The following TBCD variants were observed in gnomAD, a reference collection of about 807,000 sequenced individuals.
TBCD encodes tubulin folding cofactor D, also known as tubulin-specific chaperone D.
In TBCD, 105 loss-of-function variants were observed where a neutral mutation model predicts 169.3. That is an observed-to-expected ratio of 0.62 (90% CI 0.53 to 0.73). TBCD has a LOEUF of 0.73. TBCD is among the 30% of genes least tolerant of loss of function. The pLI is 0.00. For missense variants in TBCD, 1,444 were observed against 1,600.1 expected, an observed-to-expected ratio of 0.90 and a Z score of 1.66; for synonymous variants, 700 against 643.9, an observed-to-expected ratio of 1.09 and a Z score of -1.32.
At chr17:82,776,839 A>G (rs1356251235) in intron 6 of TBCD, among the ~76,000 whole-genome samples, 3 of 152,148 alleles carry the variant, frequency 2.0e-5, no homozygotes, top group African/African-American at 7.2e-5. Flanking sequence ...AGGCAGCCCC[A>G]GGAACACCCC....
In TBCD at chr17:82,939,407, T is replaced by A. The variant is rs2062928724; in HGVS notation, c.3410T>A (p.Leu1137His). The A allele has an allele frequency of 6.2e-7, 1 of 1,613,390 alleles. No homozygotes were observed. Among genetic ancestry groups the A allele is most frequent in the South Asian group, 1.1e-5 (1 of 90,974 alleles). ...TTASQVYETL[L>H]TYSDVVGADV... ...GCCAGCCAGGTGTACGAGACATTGC[T>A]CACCTACAGTGACGTCGTGGGCGCG... Residue 1137 changes from leucine (L) to histidine (H), a missense_variant, in exon 37 of 39, where the codon CTC (leucine) becomes CAC (histidine). By Grantham distance (99) the Leu-to-His change is moderately conservative (BLOSUM62 -3). Transcript: ENST00000355528.
At chr17:82,808,777 AGGCAGGTGGAGGGGCT>A (rs1598629253) in intron 11 of TBCD, among the ~76,000 whole-genome samples, 1 of 143,868 alleles carries the variant, frequency 7.0e-6, no homozygotes, top group East Asian at 2.1e-4. Flanking sequence ...GGAGGGGACG[AGGCAGGTGGAGGGGCT>A]GGCAGGTGCT....
At chr17:82,868,981 C>A (rs1023240680) in intron 13 of TBCD, among the ~76,000 whole-genome samples, 5 of 151,196 alleles carry the variant, frequency 3.3e-5, no homozygotes, top group African/African-American at 1.2e-4. Context: ...CGAACGAGAC[C>A]CTGGCGTGTG....
At chr17:82,936,194 C>T (rs138873558) in intron 34 of TBCD, among the ~76,000 whole-genome samples, 1 of 152,228 alleles carries the variant, frequency 6.6e-6, no homozygotes, top group African/African-American at 2.4e-5. Context: ...TTTTCCCTCT[C>T]TCTTTGCTTC....
At chr17:82,791,128 G>T (rs1285903071) in intron 7 of TBCD, among the ~76,000 whole-genome samples, 2 of 130,236 alleles carry the variant, frequency 1.5e-5, no homozygotes, top group Non-Finnish European at 3.1e-5. Flanking sequence ...GTCTCGCTCT[G>T]TTGCCCTGGC....
Position 82,816,849 on chromosome 17 carries a change from A to T in TBCD, c.1318+1915A>T, listed in dbSNP as rs1322781548. ...CACCACACTTGCCCCCTGCTTCTTT[A>T]AAAAAAAAAAAAAAAAAAAAAGCCG... On this transcript the variant is annotated intron_variant, in intron 13 of 38. Transcript: ENST00000355528. Among the ~76,000 whole-genome samples the T allele has an allele frequency of 7.3e-4, 12 of 16,352 alleles. No homozygotes were observed. In the East Asian group the frequency reaches 0.028, roughly 38 times the overall value. The allele number at this position is 16,352 out of a possible 152,430, so 10.7% of individuals were successfully genotyped here. A position where few individuals can be genotyped will look rare whatever the true frequency, so the allele number is the denominator to read the frequency against.
intron 13 of TBCD, among the ~76,000 whole-genome samples, chr17:82,819,004 A>C (rs2052173108): frequency 6.6e-6 from 1 of 152,098 alleles, no homozygotes; most frequent in South Asian, 2.1e-4. Context: ...GTTGCAGTGA[A>C]CCGAGATCGC....
At chr17:82,752,435 G>A (rs1006220635) in intron 1 of TBCD, 58 bp downstream of exon 1, 3 of 1,173,694 alleles carry the variant, frequency 2.6e-6, no homozygotes, top group South Asian at 4.2e-5. Context: ...GGCGCGCTGA[G>A]TGCACTTTAC....
intron 9 of TBCD, among the ~76,000 whole-genome samples, chr17:82,802,835 C>T (rs1401883263): frequency 6.6e-6 from 1 of 152,242 alleles, no homozygotes; most frequent in African/African-American, 2.4e-5. Flanking sequence ...AGCGGGGCGC[C>T]CCACGGCGCA....
chr17:82,781,859 G>C, intron 7 of TBCD, 138 bp downstream of exon 7: 5 of 1,382,120 alleles, frequency 3.6e-6, no homozygotes, highest in Middle Eastern at 2.6e-4. Flanking sequence ...CCAGGGTCTT[G>C]GGCAGTTTCC....
intron 7 of TBCD, 97 bp from the exon 8 acceptor site, chr17:82,797,660 T>C: frequency 3.2e-6 from 3 of 936,726 alleles, no homozygotes; most frequent in Non-Finnish European, 4.8e-6. Flanking sequence ...AGAATAAAAA[T>C]TCTGAAAGAT....
At chr17:82,769,301 A>G (rs1020087083) in intron 5 of TBCD, among the ~76,000 whole-genome samples, 1 of 152,118 alleles carries the variant, frequency 6.6e-6, no homozygotes, top group African/African-American at 2.4e-5. Context: ...CAAGGGAGAA[A>G]CTCTGCTAAT....
rs901933620 is a variant in TBCD, at chr17:82,923,572, C to T, written c.2179-80C>T. On this transcript the variant is annotated intron_variant, in intron 25 of 38. Coordinates refer to ENST00000355528, the MANE Select transcript of TBCD (RefSeq NM_005993.5). The surrounding 1 kb of genome is among the most constrained non-coding windows in gnomAD (Gnocchi z 4.6). ...CCCTGGTCAGGTGCTTCTCCGACTT[C>T]AGAGTGACCTGCTCTGTCCCTGGCC... The T allele has an allele frequency of 1.1e-5, 14 of 1,218,180 alleles. No homozygotes were observed. In the African/African-American group the frequency reaches 1.7e-4, roughly 15 times the overall value. The allele number at this position is 1,218,180 out of a possible 1,614,324, so 75.5% of individuals were successfully genotyped here. A position where few individuals can be genotyped will look rare whatever the true frequency, so the allele number is the denominator to read the frequency against.
At position 82,897,013 on chromosome 17, in the gene TBCD, A is replaced by C. The variant is rs74000182; in HGVS notation, c.1649+3381A>C. On this transcript the variant is annotated intron_variant, in intron 17 of 38. Coordinates refer to ENST00000355528, the MANE Select transcript of TBCD (RefSeq NM_005993.5). ...TTCTAGTGACTGATGATGCAGTTTCAGTCATCATCCATTTCAGGGGCGTGT... is the reference window on the plus strand; with the variant it reads ...TTCTAGTGACTGATGATGCAGTTTCCGTCATCATCCATTTCAGGGGCGTGT... 8.2e-3 allele frequency among the ~76,000 whole-genome samples: 1,243 copies of C among 152,196 alleles called. 11 individuals are homozygous for C. Among genetic ancestry groups the C allele is most frequent in the African/African-American group, 0.028 (1,146 of 41,512 alleles).
chr17:82,849,928 T>TGGCTGTGCTGCTGTTGGCTGTGC (rs2055516886), intron 13 of TBCD, among the ~76,000 whole-genome samples: 1 of 118,630 alleles, frequency 8.4e-6, no homozygotes, highest in Non-Finnish European at 1.8e-5. Flanking sequence ...GTTGGCTGTT[T>TGGCTGTGCTGCTGTTGGCTGTGC]TGCTGTTGGC....
chr17:82,829,975 A>G, intron 13 of TBCD: 1 of 1,169,450 alleles, frequency 8.6e-7, no homozygotes, highest in East Asian at 2.6e-5. Context: ...TAATATTTAT[A>G]AAAACTGAAT....
intron 6 of TBCD, among the ~76,000 whole-genome samples, chr17:82,779,868 C>T (rs1047237088): frequency 6.6e-6 from 1 of 152,146 alleles, no homozygotes; most frequent in East Asian, 1.9e-4. Context: ...GTGGGCGTCG[C>T]GTGGGGCACT....
At chr17:82,776,545 C>CA (rs2048613603) in intron 6 of TBCD, among the ~76,000 whole-genome samples, 1 of 152,320 alleles carries the variant, frequency 6.6e-6, no homozygotes, top group East Asian at 1.9e-4. Context: ...CTTAACAAGT[C>CA]AGAGTCAGCA....
intron 7 of TBCD, among the ~76,000 whole-genome samples, chr17:82,787,320 G>C (rs1333697688): frequency 2.0e-5 from 3 of 152,368 alleles, no homozygotes; most frequent in Admixed American, 2.0e-4. Flanking sequence ...CCTGGGAAGG[G>C]AATGAATGAA....
Sources: allele counts gnomAD v4.1 joint callset (sites outside exome capture counted in the v4.1 genomes callset), GRCh38; gene constraint gnomAD v4.1.1; non-coding constraint Gnocchi (gnomAD v3.1); transcripts MANE v1.5; gene names NCBI Gene and HGNC (gene_info 2026-07-23, HGNC 2026-07-21).